The following LOC128462377 variants were observed in gnomAD, a reference collection of about 807,000 sequenced individuals.
At chr16:89,385,450 C>A in the LOC128462377 span, among the ~76,000 whole-genome samples, 2 of 152,214 alleles carry the variant, frequency 1.3e-5, no homozygotes, top group Admixed American at 1.3e-4. Flanking sequence ...TTTTCTATGG[C>A]AGAGCAGACT....
the LOC128462377 span, chr16:89,323,785 C>A: frequency 4.0e-6 from 1 of 252,074 alleles, no homozygotes; most frequent in South Asian, 4.3e-5. Flanking sequence ...AGCTCTCTCT[C>A]CTTCCCCTCC....
chr16:89,343,022 T>G, the LOC128462377 span, among the ~76,000 whole-genome samples: 1 of 152,180 alleles, frequency 6.6e-6, no homozygotes, highest in Admixed American at 6.5e-5. Flanking sequence ...TATAAGCGCT[T>G]TTTAAATTTT....
the LOC128462377 span, among the ~76,000 whole-genome samples, chr16:89,356,415 G>A: frequency 0.57 from 86,332 of 151,454 alleles, 24,851 homozygotes; most frequent in African/African-American, 0.65. Flanking sequence ...AGATGGAGCA[G>A]CTGGACACAT....
the LOC128462377 span, among the ~76,000 whole-genome samples, chr16:89,349,661 T>A: frequency 6.6e-6 from 1 of 152,150 alleles, no homozygotes; most frequent in East Asian, 1.9e-4. Flanking sequence ...ATTTCATAAT[T>A]GAAGTAAATA....
At chr16:89,346,994 C>A in the LOC128462377 span, among the ~76,000 whole-genome samples, 12 of 152,282 alleles carry the variant, frequency 7.9e-5, no homozygotes, top group East Asian at 7.7e-4. Context: ...GAACTGTCTG[C>A]GAAGCAAATG....
chr16:89,354,980 A>G, the LOC128462377 span, among the ~76,000 whole-genome samples: 1 of 152,316 alleles, frequency 6.6e-6, no homozygotes, highest in African/African-American at 2.4e-5. Context: ...CAGACTTTCC[A>G]AGTCCCAGGA....
chr16:89,327,521 A>G, the LOC128462377 span, among the ~76,000 whole-genome samples: 1 of 152,120 alleles, frequency 6.6e-6, no homozygotes, highest in South Asian at 2.1e-4. Flanking sequence ...AGAGTTCAGC[A>G]AGGACACAGA....
chr16:89,381,055 G>A, the LOC128462377 span, among the ~76,000 whole-genome samples: 103 of 152,268 alleles, frequency 6.8e-4, no homozygotes, highest in Non-Finnish European at 1.1e-3. Flanking sequence ...GGGCGAGGTG[G>A]CTCAGGCCTG....
chr16:89,374,435 A>C, the LOC128462377 span, among the ~76,000 whole-genome samples: 1 of 152,232 alleles, frequency 6.6e-6, no homozygotes, highest in Non-Finnish European at 1.5e-5. Context: ...TACAACAGGA[A>C]CTGTACATCC....
chr16:89,346,451 A>C, the LOC128462377 span, among the ~76,000 whole-genome samples: 1 of 152,126 alleles, frequency 6.6e-6, no homozygotes, highest in Non-Finnish European at 1.5e-5. Context: ...ATAACACAAT[A>C]ATCACGCAAT....
At chr16:89,344,092 G>A in the LOC128462377 span, among the ~76,000 whole-genome samples, 4 of 152,136 alleles carry the variant, frequency 2.6e-5, no homozygotes, top group Non-Finnish European at 5.9e-5. Flanking sequence ...AGGACTTCCC[G>A]GGCCTCAATC....
the LOC128462377 span, among the ~76,000 whole-genome samples, chr16:89,350,177 T>C: frequency 6.6e-5 from 10 of 152,194 alleles, no homozygotes; most frequent in Admixed American, 1.3e-4. Context: ...AAAGATGGAC[T>C]ACACCATGTA....
chr16:89,340,586 CTT>C, the LOC128462377 span, among the ~76,000 whole-genome samples: 1 of 152,184 alleles, frequency 6.6e-6, no homozygotes, highest in South Asian at 2.1e-4. Flanking sequence ...TGTTGTAAAT[CTT>C]TTATCAAGAG....
At chr16:89,386,995 T>C in the LOC128462377 span, among the ~76,000 whole-genome samples, 6 of 151,040 alleles carry the variant, frequency 4.0e-5, no homozygotes, top group Non-Finnish European at 5.9e-5. Context: ...GAGCCCTGTA[T>C]CGACTGGGTG....
chr16:89,332,655 C>A, the LOC128462377 span, among the ~76,000 whole-genome samples: 1 of 152,188 alleles, frequency 6.6e-6, no homozygotes, highest in Admixed American at 6.5e-5. Context: ...AAAAAGCAAA[C>A]GACAAACACA....
chr16:89,416,280 G>A, the LOC128462377 span, among the ~76,000 whole-genome samples: 3 of 151,948 alleles, frequency 2.0e-5, no homozygotes, highest in Non-Finnish European at 4.4e-5. Flanking sequence ...AATCAGAGAA[G>A]CCTGTATTTT....
chr16:89,324,533 T>C, the LOC128462377 span: 18 of 455,990 alleles, frequency 3.9e-5, no homozygotes, highest in East Asian at 2.1e-4. Flanking sequence ...GAGATTCACA[T>C]TGAGTCAGTG....
chr16:89,388,782 C>T, the LOC128462377 span, among the ~76,000 whole-genome samples: 5 of 152,168 alleles, frequency 3.3e-5, no homozygotes, highest in East Asian at 1.9e-4. Flanking sequence ...GATCCCTGTC[C>T]GCAGCCCTGG....
the LOC128462377 span, among the ~76,000 whole-genome samples, chr16:89,353,198 C>T: frequency 5.9e-5 from 9 of 151,884 alleles, no homozygotes; most frequent in Non-Finnish European, 8.8e-5. Flanking sequence ...AAAAATTAGC[C>T]GTGCATGGTG....
Sources: allele counts gnomAD v4.1 joint callset (sites outside exome capture counted in the v4.1 genomes callset), GRCh38; gene constraint gnomAD v4.1.1; transcripts MANE v1.5.